Variants in PTPRM observed in about 807,000 individuals in gnomAD.
PTPRM encodes the protein protein tyrosine phosphatase receptor type M.
Under a neutral mutation model 186.7 loss-of-function variants are expected in PTPRM, and 47 were observed. That is an observed-to-expected ratio of 0.25 (90% CI 0.20 to 0.32). The LOEUF is 0.32. PTPRM is among the 10% of genes least tolerant of loss of function. The pLI is 1.00. For missense variants in PTPRM, 1,494 were observed against 1,865.0 expected (o/e 0.80, Z 3.66); for synonymous variants, 668 against 674.9 (o/e 0.99, Z 0.16).
chr18:7,846,763 C>T (rs1157674713), intron 2 of PTPRM, among the ~76,000 whole-genome samples: 1 of 152,194 alleles, frequency 6.6e-6, no homozygotes, highest in Non-Finnish European at 1.5e-5. Flanking sequence ...ACTGTTTTGC[C>T]TACCTGCTTG....
intron 1 of PTPRM, among the ~76,000 whole-genome samples, chr18:7,728,334 G>A (rs1346079501): frequency 6.6e-6 from 1 of 152,094 alleles, no homozygotes; most frequent in Non-Finnish European, 1.5e-5. Context: ...GGGTGAGGAG[G>A]GTGGAATTTA....
intron 2 of PTPRM, among the ~76,000 whole-genome samples, chr18:7,795,216 C>T (rs1050910965): frequency 1.4e-4 from 21 of 152,096 alleles, no homozygotes; most frequent in African/African-American, 5.1e-4. Flanking sequence ...AGACTGGTGG[C>T]CAGTGGTGTC....
intron 1 of PTPRM, among the ~76,000 whole-genome samples, chr18:7,589,944 C>A (rs910706831): frequency 1.3e-5 from 2 of 152,164 alleles, no homozygotes; most frequent in African/African-American, 2.4e-5. Context: ...TGCTGCATGT[C>A]ATCAAGCCAC....
intron 11 of PTPRM, among the ~76,000 whole-genome samples, chr18:8,102,007 G>A (rs978675395): frequency 4.6e-5 from 7 of 152,188 alleles, no homozygotes; most frequent in Admixed American, 2.6e-4. Context: ...AATAAAGCAA[G>A]TCACACACAT....
Position 7,842,910 on chromosome 18 carries a change from A to ATATGTG in PTPRM, c.197-45195_197-45194insATGTGT, listed in dbSNP as rs1325866853. Among the ~76,000 whole-genome samples the ATATGTG allele has an allele frequency of 1.0e-3, 111 of 106,892 alleles. 1 individual carries two copies. Among genetic ancestry groups the ATATGTG allele is most frequent in the South Asian group, 1.9e-3 (6 of 3,122 alleles). The allele number at this position is 106,892 out of a possible 152,430, so 70.1% of individuals were successfully genotyped here. On this transcript the variant is annotated intron_variant, in intron 2 of 32. Transcript: ENST00000580170. ...GTGTATATATATATATGTTTCTCAT[A>ATATGTG]TGTGTGTGTGTGTGTGTGTGTATAT... is the stretch of plus-strand genomic sequence containing the variant.
Position 7,734,366 on chromosome 18 carries a change from T to G in PTPRM, c.74-39783T>G, listed in dbSNP as rs1280747088. Among the ~76,000 whole-genome samples, 4 of 152,214 alleles carry G rather than the reference T, an allele frequency of 2.6e-5. No individual in the cohort carries two copies. In the East Asian group the frequency reaches 5.8e-4, roughly 22 times the overall value. The stretch of plus-strand genomic sequence containing the variant: ...GCAGGCACCTGTAATCTGTGACATT[T>G]CAGCTTTTAAATTTGATTTTGGCTT... On this transcript the variant is annotated intron_variant, in intron 1 of 32. Transcript: ENST00000580170.
chr18:7,998,619 C>T (rs904527634), intron 7 of PTPRM, among the ~76,000 whole-genome samples: 2 of 151,994 alleles, frequency 1.3e-5, no homozygotes, highest in African/African-American at 4.8e-5. Context: ...AAAAAAATTA[C>T]AAATATGGCA....
intron 20 of PTPRM, among the ~76,000 whole-genome samples, chr18:8,310,950 G>A (rs1019744914): frequency 6.6e-6 from 1 of 152,180 alleles, no homozygotes; most frequent in Non-Finnish European, 1.5e-5. Context: ...GGAATGATTA[G>A]GTAAGAGATT....
At chr18:8,157,772 A>G (rs147616114) in intron 14 of PTPRM, among the ~76,000 whole-genome samples, 5 of 152,328 alleles carry the variant, frequency 3.3e-5, no homozygotes, top group East Asian at 3.9e-4. Flanking sequence ...CTAAACCCCA[A>G]ATGCTTCTGA....
rs61737159 is a variant in PTPRM, at chr18:7,949,335, A to G, written c.818A>G (p.Tyr273Cys). Residue 273 changes from tyrosine (Y) to cysteine (C), a missense_variant, in exon 6 of 33, where the codon TAT becomes TGT. Around this residue, in one of 3 missense-constraint regions of PTPRM, gnomAD observed 296 missense variants for 345.5 expected, o/e 0.86. Coordinates refer to ENST00000580170, the MANE Select transcript of PTPRM (RefSeq NM_001105244.2). ...GAAGGAGGTGTTGGAATATCAAACTATGCAGAGTTGGTAGTTAAAGGTATT... is the reference window on the plus strand; with the variant it reads ...GAAGGAGGTGTTGGAATATCAAACTGTGCAGAGTTGGTAGTTAAAGGTATT... ...RTEGGVGISN[Y>C]AELVVKEPPV... 2.8e-4 allele frequency: 444 copies of G among 1,613,500 alleles called. 2 individuals carry two copies. In the African/African-American group the frequency reaches 2.8e-3, roughly 10 times the overall value.
chr18:7,822,262 C>T (rs2045241070), intron 2 of PTPRM, among the ~76,000 whole-genome samples: 1 of 152,208 alleles, frequency 6.6e-6, no homozygotes, highest in Non-Finnish European at 1.5e-5. Flanking sequence ...TCATCCACTT[C>T]AGAATGCCTG....
chr18:7,597,812 A>G (rs1406642786), intron 1 of PTPRM, among the ~76,000 whole-genome samples: 1 of 152,212 alleles, frequency 6.6e-6, no homozygotes, highest in Non-Finnish European at 1.5e-5. Context: ...CAGAAACCAC[A>G]CTATTTGAAA....
intron 7 of PTPRM, among the ~76,000 whole-genome samples, chr18:7,965,555 T>C (rs2053983106): frequency 6.6e-6 from 1 of 152,120 alleles, no homozygotes; most frequent in African/African-American, 2.4e-5. Flanking sequence ...ACAGGTAAGA[T>C]TGTTCACCAT....
At chr18:8,367,438 C>T (rs780501782) in intron 23 of PTPRM, among the ~76,000 whole-genome samples, 8 of 152,264 alleles carry the variant, frequency 5.3e-5, no homozygotes, top group Non-Finnish European at 1.0e-4. Context: ...GAAGTCAGCA[C>T]CGTGCCGAGC....
At chr18:8,153,998 C>T (rs548632480) in intron 14 of PTPRM, among the ~76,000 whole-genome samples, 1 of 152,172 alleles carries the variant, frequency 6.6e-6, no homozygotes, top group African/African-American at 2.4e-5. Context: ...GACACTACTA[C>T]GCATTTGCTA....
chr18:8,157,958 C>T lies in PTPRM; in HGVS notation c.2300+14179C>T, dbSNP rs544980616. Reference sequence around the variant, plus strand: ...ATCTGTGTGGACTCCCTGAGCCTCTCCTCAGTGCTGCTTGTTCACCTTCCA... The same window carrying T: ...ATCTGTGTGGACTCCCTGAGCCTCTTCTCAGTGCTGCTTGTTCACCTTCCA... On this transcript the variant is annotated intron_variant, in intron 14 of 32. Coordinates refer to ENST00000580170, the MANE Select transcript of PTPRM (RefSeq NM_001105244.2). Among the ~76,000 whole-genome samples the T allele has an allele frequency of 5.3e-5, 8 of 152,368 alleles. No individual in the cohort carries two copies. In the East Asian group the frequency reaches 1.5e-3, roughly 29 times the overall value.
chr18:8,235,872 G>T (rs936872824), intron 14 of PTPRM, among the ~76,000 whole-genome samples: 1 of 151,930 alleles, frequency 6.6e-6, no homozygotes, highest in East Asian at 1.9e-4. Flanking sequence ...CCAAGTATTA[G>T]GGATTTTTCC....
chr18:7,998,333 C>T (rs528480409), intron 7 of PTPRM, among the ~76,000 whole-genome samples: 2 of 152,118 alleles, frequency 1.3e-5, no homozygotes, highest in East Asian at 1.9e-4. Context: ...AAAAGTTGAT[C>T]TCATGGAGTT....
chr18:7,647,559 T>C (rs147820848), intron 1 of PTPRM, among the ~76,000 whole-genome samples: 15 of 152,334 alleles, frequency 9.8e-5, no homozygotes, highest in African/African-American at 3.6e-4. Flanking sequence ...ACTTTAATTG[T>C]AGCATAATAA....
Sources: allele counts gnomAD v4.1 joint callset (sites outside exome capture counted in the v4.1 genomes callset), GRCh38; gene constraint gnomAD v4.1.1; regional missense constraint gnomAD v4.1.1; transcripts MANE v1.5; gene names NCBI Gene and HGNC (gene_info 2026-07-23, HGNC 2026-07-21).